TRIP11: variants seen among roughly 807,000 people sequenced by gnomAD.
TRIP11 encodes the protein thyroid hormone receptor interactor 11.
A neutral mutation model predicts 223.1 loss-of-function variants in TRIP11; 148 were observed. The observed-to-expected ratio is 0.66, with a 90% CI of 0.58 to 0.76. The LOEUF is 0.76. Among genes scored for constraint, TRIP11 ranks in the 30% least tolerant of loss-of-function variants. The pLI is 0.00. For missense variants in TRIP11, 2,043 were observed against 2,222.0 expected (o/e 0.92, Z 1.62); for synonymous variants, 762 against 772.6 (o/e 0.99, Z 0.23).
rs2056375504 is a variant in TRIP11 at position 91,969,586 on chromosome 14, C to T, written c.*87G>A. On this transcript the variant is annotated 3_prime_UTR_variant, in exon 21 of 21. Transcript: ENST00000267622. ...ATTGCGAACAAATACATGACTTTCT[C>T]CCCAAAGGCCACTTTGTGATAAAGT... The T allele has an allele frequency of 7.5e-7, 1 of 1,338,870 alleles. No individual in the cohort carries two copies. The highest frequency in any genetic ancestry group is 1.1e-6 in the Non-Finnish European group (1 of 933,940). 82.9% of individuals were successfully genotyped at this position (1,338,870 alleles called of 1,614,324 possible).
intron 4 of TRIP11, among the ~76,000 whole-genome samples, chr14:92,020,801 G>A (rs2057103396): frequency 6.6e-6 from 1 of 152,192 alleles, no homozygotes; most frequent in African/African-American, 2.4e-5. Context: ...GCCAGGCGCA[G>A]TGGCTCATGC....
At chr14:91,980,757 A>G (rs2140089174) in intron 16 of TRIP11, among the ~76,000 whole-genome samples, 1 of 152,058 alleles carries the variant, frequency 6.6e-6, no homozygotes, top group East Asian at 1.9e-4. Context: ...TGTTAGAAAG[A>G]TGATTTCACA....
At chr14:92,024,254 T>C (rs955817595) in intron 3 of TRIP11, among the ~76,000 whole-genome samples, 1 of 151,706 alleles carries the variant, frequency 6.6e-6, no homozygotes, top group Non-Finnish European at 1.5e-5. Context: ...AGTGCATGCC[T>C]GTAATCCCAG....
chr14:92,022,760 T>C (rs970936631), intron 3 of TRIP11, among the ~76,000 whole-genome samples: 1 of 152,228 alleles, frequency 6.6e-6, no homozygotes, highest in Non-Finnish European at 1.5e-5. Context: ...AGTATTTCTA[T>C]ATGCATAAAG....
At chr14:92,018,635 A>G (rs917179820) in intron 4 of TRIP11, among the ~76,000 whole-genome samples, 1 of 152,084 alleles carries the variant, frequency 6.6e-6, no homozygotes, top group Non-Finnish European at 1.5e-5. Context: ...TAACTTAACC[A>G]CTGTGGCAAT....
rs775104777 is a variant in TRIP11, at chr14:91,974,633, A to T, written c.5568T>A (p.Val1856=). The change falls in exon 19 of 21, where the codon GTT becomes GTA. Residue 1856 remains valine, a synonymous_variant. Coordinates refer to ENST00000267622, the MANE Select transcript of TRIP11 (RefSeq NM_004239.4). ...TPLRPNQQSV[V]NSSFSELFVK... Reference sequence around the variant, plus strand: ...GAATAAAATTGTTTCTTACACTATTAACCACAGATTGCTGATTTGGTCTCA... The same window carrying T: ...GAATAAAATTGTTTCTTACACTATTTACCACAGATTGCTGATTTGGTCTCA... The T allele has an allele frequency of 6.8e-6, 11 of 1,610,790 alleles. No homozygotes were observed. The Admixed American group carries it at 1.7e-4, about 24-fold the overall frequency.
chr14:92,014,952 G>A (rs1246282959), intron 6 of TRIP11, among the ~76,000 whole-genome samples: 1 of 145,444 alleles, frequency 6.9e-6, no homozygotes, highest in Non-Finnish European at 1.5e-5. Context: ...TGCCCAGGCT[G>A]GAGGGCAGTG....
At chr14:91,980,236 A>G (rs1339591193) in intron 16 of TRIP11, among the ~76,000 whole-genome samples, 1 of 152,244 alleles carries the variant, frequency 6.6e-6, no homozygotes, top group African/African-American at 2.4e-5. Context: ...GTAATTAATG[A>G]CAGTACACTA....
At chr14:92,033,167 C>CT in intron 2 of TRIP11, 25 bp downstream of exon 2, 1 of 1,601,368 alleles carries the variant, frequency 6.2e-7, no homozygotes, top group South Asian at 1.1e-5. Context: ...AAAGAAAAAT[C>CT]TAAGTAGTCT....
At chr14:92,023,943 C>T (rs2057145372) in intron 3 of TRIP11, among the ~76,000 whole-genome samples, 1 of 151,672 alleles carries the variant, frequency 6.6e-6, no homozygotes, top group Non-Finnish European at 1.5e-5. Flanking sequence ...ACAACCACCG[C>T]CTCCCAGGTT....
intron 16 of TRIP11, among the ~76,000 whole-genome samples, chr14:91,984,440 C>CA (rs2140093653): frequency 6.6e-6 from 1 of 151,820 alleles, no homozygotes; most frequent in Admixed American, 6.6e-5. Flanking sequence ...CTCAGCCTCC[C>CA]AAGAAGCTGG....
At chr14:92,020,217 A>T (rs1158032295) in intron 4 of TRIP11, among the ~76,000 whole-genome samples, 1 of 151,816 alleles carries the variant, frequency 6.6e-6, no homozygotes, top group African/African-American at 2.4e-5. Flanking sequence ...GTGCCACTGC[A>T]CTCCAGTTTG....
chr14:92,025,244 A>C (rs1014588569), intron 3 of TRIP11, 66 bp downstream of exon 3: 1 of 1,214,816 alleles, frequency 8.2e-7, no homozygotes, highest in Admixed American at 1.8e-5. Flanking sequence ...TTTATATTCT[A>C]ACTCTAAAAA....
chr14:91,995,397 G>A lies in TRIP11; in HGVS notation c.5011C>T (p.Leu1671=), dbSNP rs780260139. ...VSQEQVKQYA[L]SLANLQMVLE... ...ACCATCTGCAGGTTGGCCAGTGACA[G>A]AGCATACTGCTTTACTTGTTCCTGA... Residue 1671 remains leucine (L), a synonymous_variant, in exon 14 of 21, where the codon CTG becomes TTG. Coordinates refer to ENST00000267622, the MANE Select transcript of TRIP11 (RefSeq NM_004239.4). 2 of 1,614,078 alleles carry A rather than the reference G, an allele frequency of 1.2e-6. No homozygotes were observed. The highest frequency in any genetic ancestry group is 1.1e-5 in the South Asian group (1 of 91,086).
At position 92,005,616 on chromosome 14, in the gene TRIP11, G is replaced by C. The variant is rs142525599; in HGVS notation, c.2360C>G (p.Thr787Ser). 4 of 1,613,806 alleles carry C rather than the reference G, an allele frequency of 2.5e-6. No homozygotes were observed. In the African/African-American group the frequency reaches 4.0e-5, roughly 16 times the overall value. The part of the protein sequence containing the change: ...ELKKNIEQMD[T>S]DHKETKDVLS... ...AACGTCCTTAGTTTCTTTATGGTCAGTATCCATTTGTTCAATATTCTTTTT... is the reference window on the plus strand; with the variant it reads ...AACGTCCTTAGTTTCTTTATGGTCACTATCCATTTGTTCAATATTCTTTTT... The change falls in exon 11 of 21, where the codon ACT becomes AGT. Residue 787 changes from threonine (T) to serine (S), a missense_variant. Thr to Ser is a moderately conservative substitution (Grantham distance 58). Transcript: ENST00000267622.
At chr14:91,991,500 TGTGC>T (rs1566850834) in intron 15 of TRIP11, among the ~76,000 whole-genome samples, 1 of 152,208 alleles carries the variant, frequency 6.6e-6, no homozygotes, top group African/African-American at 2.4e-5. Flanking sequence ...CAAGAAGTCA[TGTGC>T]CTGCTAGTGG....
chr14:92,039,696 T>C lies in TRIP11; in HGVS notation c.-11A>G. 6.2e-7 allele frequency: 1 copy of C among 1,610,484 alleles called. No individual in the cohort carries two copies. Among genetic ancestry groups the C allele is most frequent in the Non-Finnish European group, 8.5e-7 (1 of 1,178,460 alleles). On this transcript the variant is annotated 5_prime_UTR_variant, in exon 1 of 21. Transcript: ENST00000267622. Reference sequence around the variant, plus strand: ...AAGCCAGGACGACATCGCGGCGAGTTTAGAGAACGACCCGGTCCGCTCGGA... The same window carrying C: ...AAGCCAGGACGACATCGCGGCGAGTCTAGAGAACGACCCGGTCCGCTCGGA...
chr14:92,028,141 T>TC (rs377379242), intron 2 of TRIP11, among the ~76,000 whole-genome samples: 3 of 152,210 alleles, frequency 2.0e-5, no homozygotes, highest in Admixed American at 6.5e-5. Flanking sequence ...AGGTTTTTTT[T>TC]CACACAAAAA....
Position 92,037,543 on chromosome 14 carries a change from T to C in TRIP11, c.139+2004A>G, listed in dbSNP as rs1299643108. The stretch of plus-strand genomic sequence containing the variant: ...CTGTGCGTACAAGCAAGCATATATA[T>C]GTGCACATGTACAGCAACTGGTATG... On this transcript the variant is annotated intron_variant, in intron 1 of 20. Transcript: ENST00000267622. This position sits in a 1 kb window ranked among gnomAD's most constrained non-coding sequence, Gnocchi z 4.2. Among the ~76,000 whole-genome samples, 4 of 152,226 alleles carry C rather than the reference T, an allele frequency of 2.6e-5. No individual in the cohort carries two copies. The highest frequency in any genetic ancestry group is 1.9e-4 in the East Asian group (1 of 5,202).
Sources: gnomAD v4.1 joint callset for allele counts (sites outside exome capture counted in the v4.1 genomes callset) on GRCh38, gnomAD v4.1.1 for gene constraint, Gnocchi (gnomAD v3.1) non-coding constraint, MANE v1.5 for transcripts, NCBI Gene and HGNC (gene_info 2026-07-23, HGNC 2026-07-21) for gene names.